Variants in STYX observed in about 807,000 individuals in gnomAD.
STYX encodes the protein serine/threonine/tyrosine interacting protein, also known as serine/threonine/tyrosine-interacting protein.
A neutral mutation model predicts 42.7 loss-of-function variants in STYX; 20 were observed. The ratio of observed to expected loss-of-function variants is 0.47; its 90% CI spans 0.33 to 0.68. The LOEUF is 0.68. Ranked by LOEUF, STYX falls within the 30% of genes least tolerant of loss-of-function variation. The probability of loss-of-function intolerance (pLI) is 0.02; values close to 1 mark genes in which losing one functional copy is unlikely to be tolerated. For missense variants in STYX, 226 were observed against 268.5 expected, an observed-to-expected ratio of 0.84 and a Z score of 1.11; for synonymous variants, 78 against 81.9, an observed-to-expected ratio of 0.95 and a Z score of 0.26.
At chr14:52,739,189 A>G (rs1432248621) in intron 1 of STYX, among the ~76,000 whole-genome samples, 1 of 151,552 alleles carries the variant, frequency 6.6e-6, no homozygotes, top group Non-Finnish European at 1.5e-5. Context: ...ATAAATTTGT[A>G]TACATTTTCT....
At chr14:52,734,549 T>C (rs1434550187) in intron 1 of STYX, among the ~76,000 whole-genome samples, 3 of 152,090 alleles carry the variant, frequency 2.0e-5, no homozygotes, top group Non-Finnish European at 4.4e-5. Context: ...GACACTCCTA[T>C]TAGAAAATTC....
chr14:52,763,798 A>G (rs1325132140), intron 9 of STYX, among the ~76,000 whole-genome samples: 2 of 152,208 alleles, frequency 1.3e-5, no homozygotes, highest in African/African-American at 2.4e-5. Context: ...TTCAGGGGAT[A>G]AAGTTAAATG....
In STYX at chr14:52,772,916, G is replaced by A. The variant is rs1460517103; in HGVS notation, c.*1810G>A. On this transcript the variant is annotated 3_prime_UTR_variant, in exon 11 of 11. Transcript: ENST00000354586. ...TTTTGATGTACAGTGGTCTAGTGGA[G>A]TCAAGATTCGCATTGGGTTTTCTAA... 6.6e-6 allele frequency: 1 copy of A among 151,944 alleles called. No individual in the cohort carries two copies. Among genetic ancestry groups the A allele is most frequent in the Non-Finnish European group, 1.5e-5 (1 of 68,006 alleles). The allele number at this position is 151,944 out of a possible 1,614,324, so 9.4% of individuals were successfully genotyped here.
At chr14:52,735,806 T>G (rs1880924151) in intron 1 of STYX, among the ~76,000 whole-genome samples, 1 of 152,250 alleles carries the variant, frequency 6.6e-6, no homozygotes, top group South Asian at 2.1e-4. Context: ...TTCTGTCACC[T>G]CTACAAGAAT....
chr14:52,733,601 G>C (rs906768891), intron 1 of STYX, among the ~76,000 whole-genome samples: 2 of 152,120 alleles, frequency 1.3e-5, no homozygotes, highest in African/African-American at 4.8e-5. Context: ...TAACTTGCTA[G>C]AGTGACTTAC....
intron 1 of STYX, among the ~76,000 whole-genome samples, chr14:52,738,994 C>T (rs1039539943): frequency 3.3e-5 from 5 of 150,638 alleles, no homozygotes; most frequent in African/African-American, 1.2e-4. Context: ...TTTGTATACA[C>T]GTTTCTTTCC....
At chr14:52,751,769 A>G (rs1250673551) in intron 4 of STYX, among the ~76,000 whole-genome samples, 1 of 152,256 alleles carries the variant, frequency 6.6e-6, no homozygotes, top group Non-Finnish European at 1.5e-5. Context: ...GTAAACATAT[A>G]TAATGAAAGT....
intron 9 of STYX, among the ~76,000 whole-genome samples, chr14:52,765,797 G>C (rs1594882868): frequency 6.6e-6 from 1 of 152,134 alleles, no homozygotes; most frequent in East Asian, 1.9e-4. Flanking sequence ...CATAGGGTTT[G>C]CGCTCCTGTG....
chr14:52,741,729 G>A (rs1477589744), intron 1 of STYX, among the ~76,000 whole-genome samples: 1 of 152,052 alleles, frequency 6.6e-6, no homozygotes, highest in Non-Finnish European at 1.5e-5. Context: ...GTAAGCCACC[G>A]CACCTGGCCT....
chr14:52,764,975 C>T (rs1355580531), intron 9 of STYX, among the ~76,000 whole-genome samples: 1 of 151,898 alleles, frequency 6.6e-6, no homozygotes, highest in Non-Finnish European at 1.5e-5. Context: ...AGCCCTTAAT[C>T]CTACATTTAA....
intron 7 of STYX, 27 bp downstream of exon 7, chr14:52,757,809 T>C: frequency 6.2e-7 from 1 of 1,613,108 alleles, no homozygotes; most frequent in South Asian, 1.1e-5. Flanking sequence ...AATCTTTCTT[T>C]CTATAACATT....
intron 1 of STYX, among the ~76,000 whole-genome samples, chr14:52,743,443 T>C (rs1455231212): frequency 1.3e-5 from 2 of 151,696 alleles, no homozygotes; most frequent in African/African-American, 4.8e-5. Context: ...AATTATGGCG[T>C]GGTGGTGGGT....
chr14:52,753,411 TC>T (rs1881710473), intron 4 of STYX, among the ~76,000 whole-genome samples: 1 of 152,058 alleles, frequency 6.6e-6, no homozygotes, highest in Non-Finnish European at 1.5e-5. Flanking sequence ...GGTCTCGAAC[TC>T]CTGACCTCGT....
At chr14:52,730,816 C>T (rs1880668757) in intron 1 of STYX, among the ~76,000 whole-genome samples, 1 of 152,184 alleles carries the variant, frequency 6.6e-6, no homozygotes, top group Non-Finnish European at 1.5e-5. Flanking sequence ...GAGTAAGGTT[C>T]CTCTTTTATT....
At chr14:52,733,277 A>G (rs1209262518) in intron 1 of STYX, among the ~76,000 whole-genome samples, 1 of 152,182 alleles carries the variant, frequency 6.6e-6, no homozygotes, top group East Asian at 1.9e-4. Context: ...ATTCCTGCAA[A>G]ACTGATAAAT....
At chr14:52,757,610 A>T in intron 6 of STYX, 133 bp from the exon 7 acceptor site, 1 of 871,498 alleles carries the variant, frequency 1.1e-6, no homozygotes, top group East Asian at 2.5e-5. Context: ...ACAGTTGATA[A>T]TAACAAATTG....
At chr14:52,754,176 C>T (rs1278298380) in intron 4 of STYX, among the ~76,000 whole-genome samples, 1 of 151,984 alleles carries the variant, frequency 6.6e-6, no homozygotes, top group Admixed American at 6.6e-5. Flanking sequence ...GCGTGAGCCA[C>T]TGCGCCCGGC....
rs1047344347 is a variant in STYX at position 52,734,837 on chromosome 14, G to A, written c.57+4306G>A. 1.1e-3 allele frequency among the ~76,000 whole-genome samples: 170 copies of A among 152,248 alleles called. 3 individuals are homozygous for A. The highest frequency in any genetic ancestry group is 4.1e-4 in the South Asian group (2 of 4,826). On this transcript the variant is annotated intron_variant, in intron 1 of 10. Transcript: ENST00000354586. ...AGCACTTTGGGAGGCCGAGGCGGAC[G>A]GATCACGAGGTCAGGAGATCAAGAC...
intron 8 of STYX, 85 bp downstream of exon 8, chr14:52,758,009 C>G: frequency 7.1e-7 from 1 of 1,413,526 alleles, no homozygotes; most frequent in East Asian, 2.3e-5. Flanking sequence ...GTTTGAAGTT[C>G]TTATTCCCCT....
Sources: gnomAD v4.1 joint callset for allele counts (sites outside exome capture counted in the v4.1 genomes callset) on GRCh38, gnomAD v4.1.1 for gene constraint, MANE v1.5 for transcripts, NCBI Gene and HGNC (gene_info 2026-07-23, HGNC 2026-07-21) for gene names.